KIFAP3: variants seen among roughly 807,000 people sequenced by gnomAD.
KIFAP3 encodes the protein kinesin-associated protein 3.
In KIFAP3, 68 loss-of-function variants were observed where a neutral mutation model predicts 106.5. The observed-to-expected ratio is 0.64, with a 90% CI of 0.53 to 0.78. KIFAP3 has a LOEUF of 0.78. Ranked by LOEUF, KIFAP3 falls within the 30% of genes least tolerant of loss-of-function variation. The pLI is 0.00. For missense variants in KIFAP3, 780 were observed against 941.8 expected, an observed-to-expected ratio of 0.83 and a Z score of 2.25; for synonymous variants, 320 against 311.5, an observed-to-expected ratio of 1.03 and a Z score of -0.29.
rs1201765142 is a variant in KIFAP3 at position 169,984,600 on chromosome 1, C to T, written c.1375G>A (p.Val459Ile). 1.3e-6 allele frequency: 2 copies of T among 1,598,774 alleles called. No homozygotes were observed. The highest frequency in any genetic ancestry group is 1.7e-6 in the Non-Finnish European group (2 of 1,168,046). Residue 459 changes from valine (V) to isoleucine (I), a missense_variant, in exon 12 of 20, where the codon GTA becomes ATA. By Grantham distance (29) the Val-to-Ile change is conservative. Transcript: ENST00000361580. ...CACTGACCTTCACAGATAAGCTGTA[C>T]ATTTCTTTTGTTAGCAGCAAGATTA... ...CINLAANKRN[V>I]QLICEGNGLK...
intron 10 of KIFAP3, among the ~76,000 whole-genome samples, chr1:170,002,780 C>T (rs1194867262): frequency 6.6e-6 from 1 of 152,124 alleles, no homozygotes; most frequent in Non-Finnish European, 1.5e-5. Flanking sequence ...CACAAGTACA[C>T]CAGATGAATA....
Position 170,055,412 on chromosome 1 carries a change from A to T in KIFAP3, c.57T>A (p.Asp19Glu), listed in dbSNP as rs1312874149. ...LKRKVKGGNI[D>E]VHPSEKALIV... ...TGAGTGCTTTTTCTGATGGATGTAC[A>T]TCTATATTCCCTCCTTTAACTTTCC... Residue 19 changes from aspartate (D) to glutamate (E), a missense_variant, in exon 2 of 20, where the codon GAT (aspartate) becomes GAA (glutamate). By Grantham distance (45) the Asp-to-Glu change is conservative. This residue lies in a region of KIFAP3 where 588 missense variants were observed against 678.9 expected (regional missense o/e 0.87). Coordinates refer to ENST00000361580, the MANE Select transcript of KIFAP3 (RefSeq NM_014970.4). 3 of 1,600,526 alleles carry T rather than the reference A, an allele frequency of 1.9e-6. No homozygotes were observed. Among genetic ancestry groups the T allele is most frequent in the Non-Finnish European group, 1.7e-6 (2 of 1,173,036 alleles).
In KIFAP3 at chr1:169,982,727, T is replaced by C; in HGVS notation, c.1647A>G (p.Pro549=). Reference sequence around the variant, plus strand: ...CTGGTTTTAGTTTATCCTTGAGGTATGGAACCAACTTATATTCTTTAAGAA... The same window carrying C: ...CTGGTTTTAGTTTATCCTTGAGGTACGGAACCAACTTATATTCTTTAAGAA... The part of the protein sequence containing the change: ...ELVLKEYKLV[P]YLKDKLKPGA... Residue 549 remains proline, a synonymous_variant, in exon 14 of 20, where the codon CCA becomes CCG. Transcript: ENST00000361580. 2 of 1,605,920 alleles carry C rather than the reference T, an allele frequency of 1.2e-6. No individual in the cohort carries two copies. Among genetic ancestry groups the C allele is most frequent in the Non-Finnish European group, 1.7e-6 (2 of 1,176,056 alleles).
chr1:169,938,654 G>A (rs1422100432), intron 19 of KIFAP3, among the ~76,000 whole-genome samples: 2 of 152,112 alleles, frequency 1.3e-5, no homozygotes, highest in African/African-American at 2.4e-5. Context: ...GACAGTCAAA[G>A]TTCTTGCCCA....
chr1:170,068,641 C>T (rs1671561223), intron 1 of KIFAP3: 1 of 151,470 alleles, frequency 6.6e-6, no homozygotes, highest in South Asian at 2.1e-4. Flanking sequence ...AAGAAAGAAA[C>T]ATAGAGAATA....
chr1:170,046,809 C>T lies in KIFAP3; in HGVS notation c.222G>A (p.Val74=). The T allele has an allele frequency of 6.2e-7, 1 of 1,610,676 alleles. No individual in the cohort carries two copies. The highest frequency in any genetic ancestry group is 8.5e-7 in the Non-Finnish European group (1 of 1,178,114). ...NTDITSLARK[V]VEECKLIHPS... ...GATGAATGAGTTTACATTCTTCAAC[C>T]ACCTTCCTTGCCAGGGAAGTTATAT... The change falls in exon 3 of 20, where the codon GTG becomes GTA. Residue 74 remains valine (V), a synonymous_variant. Coordinates refer to ENST00000361580, the MANE Select transcript of KIFAP3 (RefSeq NM_014970.4).
rs954329576 is a variant in KIFAP3, at chr1:170,024,323, C to A, written c.1020+95G>T. On this transcript the variant is annotated intron_variant, in intron 9 of 19. Coordinates refer to ENST00000361580, the MANE Select transcript of KIFAP3 (RefSeq NM_014970.4). ...TTATAAAATCTTTATTCAGAATTATCTCGGTAGGGGAATAAAGTGTTTAAT... is the reference window on the plus strand; with the variant it reads ...TTATAAAATCTTTATTCAGAATTATATCGGTAGGGGAATAAAGTGTTTAAT... 96 of 689,234 alleles carry A rather than the reference C, an allele frequency of 1.4e-4. 1 individual carries two copies. In the Admixed American group the frequency reaches 2.1e-3, roughly 15 times the overall value. The allele number at this position is 689,234 out of a possible 1,614,324, so 42.7% of individuals were successfully genotyped here.
intron 17 of KIFAP3, among the ~76,000 whole-genome samples, chr1:169,969,564 A>T (rs1665802623): frequency 6.6e-6 from 1 of 152,054 alleles, no homozygotes; most frequent in Non-Finnish European, 1.5e-5. Context: ...AAATAAAAAC[A>T]ATCTGCCCAT....
At position 170,039,299 on chromosome 1, in the gene KIFAP3, AT is replaced by A. The variant is rs772541528; in HGVS notation, c.320-12del. The A allele has an allele frequency of 3.0e-4, 453 of 1,526,708 alleles. No homozygotes were observed. Among genetic ancestry groups the A allele is most frequent in the South Asian group, 4.2e-4 (36 of 85,248 alleles). The allele number at this position is 1,526,708 out of a possible 1,614,324, so 94.6% of individuals were successfully genotyped here. The stretch of plus-strand genomic sequence containing the variant: ...ATTTTTCTTTTTTCTCTGTAAAAAG[AT>A]TTTTTTTTAATAAGGAGACTTAGGT... On this transcript the variant is annotated splice_polypyrimidine_tract_variant and intron_variant, in intron 3 of 19. Transcript: ENST00000361580.
At position 169,982,088 on chromosome 1, in the gene KIFAP3, T is replaced by A. The variant is rs965149910; in HGVS notation, c.1682A>T (p.Glu561Val). ...LKDKLKPGAA[E>V]DDLVLEVVIM... The stretch of plus-strand genomic sequence containing the variant: ...AACCACTTCTAAAACAAGATCATCT[T>A]CTGCAGCACCTAGTGAAGTCAAACC... The change falls in exon 15 of 20, where the codon GAA becomes GTA. Residue 561 changes from glutamate to valine, a missense_variant. This residue lies in a region of KIFAP3 where 588 missense variants were observed against 678.9 expected (regional missense o/e 0.87). Transcript: ENST00000361580. The A allele has an allele frequency of 6.2e-7, 1 of 1,613,216 alleles. No individual in the cohort carries two copies. The highest frequency in any genetic ancestry group is 1.3e-5 in the African/African-American group (1 of 74,910).
chr1:169,992,497 A>C (rs186116738), intron 10 of KIFAP3, among the ~76,000 whole-genome samples: 13 of 152,296 alleles, frequency 8.5e-5, no homozygotes, highest in African/African-American at 2.9e-4. Flanking sequence ...TTGAAAAAGA[A>C]AATTAACCAT....
At chr1:170,028,299 T>C (rs985014359) in intron 8 of KIFAP3, among the ~76,000 whole-genome samples, 6 of 152,122 alleles carry the variant, frequency 3.9e-5, no homozygotes, top group Non-Finnish European at 5.9e-5. Context: ...AAATTATGTA[T>C]ATAAAATGAT....
At chr1:170,067,594 A>C (rs2102166260) in intron 1 of KIFAP3, 1 of 152,378 alleles carries the variant, frequency 6.6e-6, no homozygotes, top group South Asian at 2.1e-4. Context: ...TAGAGGAGTC[A>C]AGTGGACCTT....
chr1:170,037,836 A>T (rs1291865540), intron 5 of KIFAP3, among the ~76,000 whole-genome samples: 2 of 152,158 alleles, frequency 1.3e-5, no homozygotes, highest in East Asian at 3.9e-4. Flanking sequence ...GGGTGTTAAA[A>T]ACATTCTATC....
At chr1:169,951,828 T>C (rs937777639) in intron 19 of KIFAP3, among the ~76,000 whole-genome samples, 2 of 151,850 alleles carry the variant, frequency 1.3e-5, no homozygotes, top group African/African-American at 4.8e-5. Flanking sequence ...CTGCAGGAGA[T>C]ACAAAAATAA....
intron 18 of KIFAP3, among the ~76,000 whole-genome samples, chr1:169,954,398 G>A (rs1200495184): frequency 1.3e-5 from 2 of 152,090 alleles, no homozygotes; most frequent in Admixed American, 6.6e-5. Context: ...TTATGGTCTC[G>A]TATGGAGAAG....
Position 170,014,105 on chromosome 1 carries a change from CTT to C in KIFAP3, c.1183+2355_1183+2356del, listed in dbSNP as rs140238618. 7.4e-3 allele frequency among the ~76,000 whole-genome samples: 1,133 copies of C among 152,250 alleles called. 17 individuals are homozygous for C. Among genetic ancestry groups the C allele is most frequent in the African/African-American group, 0.026 (1,086 of 41,548 alleles). ...TCTCTAAACGAGGTTTTCTTTACTT[CTT>C]GTCTTGCCTATTACAGCAGGCTACT... is the stretch of plus-strand genomic sequence containing the variant. On this transcript the variant is annotated intron_variant, in intron 10 of 19. Coordinates refer to ENST00000361580, the MANE Select transcript of KIFAP3 (RefSeq NM_014970.4).
chr1:169,940,205 TG>T (rs1247375329), intron 19 of KIFAP3, among the ~76,000 whole-genome samples: 2 of 152,232 alleles, frequency 1.3e-5, no homozygotes, highest in Admixed American at 1.3e-4. Flanking sequence ...CAAGATAACC[TG>T]GGGTAAGTTG....
rs80181446 is a variant in KIFAP3, at chr1:170,019,798, G to A, written c.1021-3174C>T. Among the ~76,000 whole-genome samples, 175 of 152,186 alleles carry A rather than the reference G, an allele frequency of 1.1e-3. 1 individual carries two copies. Among genetic ancestry groups the A allele is most frequent in the African/African-American group, 4.1e-3 (171 of 41,538 alleles). On this transcript the variant is annotated intron_variant, in intron 9 of 19. Coordinates refer to ENST00000361580, the MANE Select transcript of KIFAP3 (RefSeq NM_014970.4). ...ACAAGGCAGGGATAGCCGCTCACAC[G>A]ATTCCTCCTCAACATCATACTAGAG... is the stretch of plus-strand genomic sequence containing the variant.
Sources: gnomAD v4.1 joint callset for allele counts (sites outside exome capture counted in the v4.1 genomes callset) on GRCh38, gnomAD v4.1.1 for gene constraint, gnomAD v4.1.1 regional missense constraint, MANE v1.5 for transcripts, NCBI Gene and HGNC (gene_info 2026-07-23, HGNC 2026-07-21) for gene names.